Variants in ACP1 observed in about 807,000 individuals in gnomAD.
The protein encoded by ACP1 is low molecular weight phosphotyrosine protein phosphatase.
ACP1 carries 23 observed loss-of-function variants against 23.4 expected under a neutral mutation model. The observed-to-expected ratio is 0.98, with a 90% CI of 0.71 to 1.39. The LOEUF is 1.39. ACP1 is among the 40% of genes most tolerant of loss of function. The probability of loss-of-function intolerance (pLI) is 0.00; values close to 1 mark genes in which losing one functional copy is unlikely to be tolerated. For missense variants in ACP1, 180 were observed against 197.7 expected (o/e 0.91, Z 0.54); for synonymous variants, 72 against 67.2 (o/e 1.07, Z -0.35).
rs1405371312 is a variant in ACP1 at position 277,276 on chromosome 2, G to C, written c.449G>C (p.Cys150Ser). The change falls in exon 6 of 6, where the codon TGC (cysteine) becomes TCC (serine). Residue 150 changes from cysteine (C) to serine (S), a missense_variant. Cys to Ser is a moderately radical substitution (Grantham distance 112). Coordinates refer to ENST00000272065, the MANE Select transcript of ACP1 (RefSeq NM_004300.4). ...ETVYQQCVRC[C>S]RAFLEKAH ...GTGTACCAGCAGTGTGTCAGGTGCT[G>C]CAGAGCGTTCTTGGAGAAGGCCCAC... The C allele has an allele frequency of 5.6e-6, 9 of 1,613,190 alleles. No individual in the cohort carries two copies. Among genetic ancestry groups the C allele is most frequent in the Non-Finnish European group, 7.6e-6 (9 of 1,180,026 alleles).
intron 3 of ACP1, among the ~76,000 whole-genome samples, chr2:274,040 G>A (rs112094756): frequency 3.9e-5 from 6 of 152,282 alleles, no homozygotes; most frequent in African/African-American, 1.4e-4. Context: ...ACATATGCCT[G>A]TAGTCCCAGC....
intron 1 of ACP1, chr2:265,276 A>T (rs1669829643): frequency 1.6e-5 from 7 of 441,604 alleles, no homozygotes. Context: ...CCTACAAGCC[A>T]AGGTACTTTC....
chr2:266,680 A>C (rs1216410410), intron 1 of ACP1, among the ~76,000 whole-genome samples: 1 of 152,214 alleles, frequency 6.6e-6, no homozygotes, highest in Admixed American at 6.5e-5. Flanking sequence ...TGTGGTCGCA[A>C]CTTTTGCAGT....
chr2:275,621 G>C (rs1427465932), intron 4 of ACP1: 3 of 154,900 alleles, frequency 1.9e-5, no homozygotes, highest in African/African-American at 7.2e-5. Flanking sequence ...AAGGAAGTGA[G>C]AAACGGTAAT....
Position 275,210 on chromosome 2 carries a change from GT to G in ACP1, c.293+14del. ...GATGAAAGCAATCTGAGGTAATCCT[GT>G]TTTTGAAGAATATTTCTGTTCAACT... On this transcript the variant is annotated intron_variant, in intron 4 of 5. Coordinates refer to ENST00000272065, the MANE Select transcript of ACP1 (RefSeq NM_004300.4). The G allele has an allele frequency of 1.3e-6, 2 of 1,486,898 alleles. No individual in the cohort carries two copies. Among genetic ancestry groups the G allele is most frequent in the Non-Finnish European group, 1.9e-6 (2 of 1,081,008 alleles). 92.1% of individuals were successfully genotyped at this position (1,486,898 alleles called of 1,614,324 possible).
At chr2:266,677 G>A (rs959468729) in intron 1 of ACP1, among the ~76,000 whole-genome samples, 1 of 152,146 alleles carries the variant, frequency 6.6e-6, no homozygotes, top group Non-Finnish European at 1.5e-5. Context: ...AACTGTGGTC[G>A]CAACTTTTGC....
intron 1 of ACP1, among the ~76,000 whole-genome samples, chr2:268,053 C>A (rs1312538105): frequency 1.3e-5 from 2 of 152,198 alleles, no homozygotes; most frequent in Non-Finnish European, 2.9e-5. Context: ...TTTCAGACCC[C>A]TGTTTTAGGT....
chr2:270,155 G>T (rs1669990647), intron 1 of ACP1, among the ~76,000 whole-genome samples: 1 of 152,186 alleles, frequency 6.6e-6, no homozygotes, highest in African/African-American at 2.4e-5. Flanking sequence ...TGTAGGAAGG[G>T]TCTGTGTTTT....
intron 3 of ACP1, chr2:272,402 A>G: frequency 2.0e-6 from 3 of 1,498,528 alleles, no homozygotes; most frequent in Non-Finnish European, 1.8e-6. Flanking sequence ...GAATGTGTTT[A>G]TTTAGGGTGA....
At chr2:273,051 G>A (rs1427302676) in intron 3 of ACP1, 1 of 154,482 alleles carries the variant, frequency 6.5e-6, no homozygotes, top group Non-Finnish European at 1.5e-5. Context: ...CCAAAGCCAA[G>A]GGGCTCATGG....
intron 4 of ACP1, among the ~76,000 whole-genome samples, chr2:276,572 G>T (rs1221160781): frequency 2.0e-5 from 3 of 152,224 alleles, no homozygotes; most frequent in Non-Finnish European, 2.9e-5. Flanking sequence ...TAATTAAGGA[G>T]TGGGTCGTGC....
intron 1 of ACP1, 102 bp downstream of exon 1, chr2:265,109 A>T (rs1222440314): frequency 1.4e-6 from 2 of 1,450,926 alleles, no homozygotes; most frequent in South Asian, 1.2e-5. Context: ...CATGAGGGGG[A>T]GGAGGCCAGG....
chr2:270,538 G>A (rs771505306), intron 1 of ACP1, among the ~76,000 whole-genome samples: 7 of 151,866 alleles, frequency 4.6e-5, no homozygotes, highest in African/African-American at 7.3e-5. Flanking sequence ...TTGTAGCATC[G>A]TTCTTTTTCT....
intron 4 of ACP1, among the ~76,000 whole-genome samples, chr2:275,881 G>A (rs999502799): frequency 6.6e-6 from 1 of 152,132 alleles, no homozygotes; most frequent in African/African-American, 2.4e-5. Context: ...AACTATTTGT[G>A]CTTTTAATTA....
intron 4 of ACP1, 149 bp downstream of exon 4, chr2:275,350 A>G: frequency 2.4e-6 from 1 of 422,964 alleles, no homozygotes; most frequent in Non-Finnish European, 4.3e-6. Flanking sequence ...TTAGAACAGC[A>G]AAAAACTTAG....
intron 2 of ACP1, 36 bp downstream of exon 2, chr2:271,975 G>A (rs751555461): frequency 6.3e-6 from 10 of 1,594,764 alleles, no homozygotes; most frequent in Non-Finnish European, 8.6e-6. Flanking sequence ...AGGCCAACCT[G>A]AACTCCTCTG....
intron 3 of ACP1, chr2:272,385 T>TATTA: frequency 6.6e-7 from 1 of 1,520,612 alleles, no homozygotes; most frequent in East Asian, 2.5e-5. Flanking sequence ...CAGACTTGTA[T>TATTA]ATTAATGAAT....
rs1175814706 is a variant in ACP1 at position 277,253 on chromosome 2, G to A, written c.426G>A (p.Val142=). ...GGAATGACTCTGACTTTGAGACGGT[G>A]TACCAGCAGTGTGTCAGGTGCTGCA... ...YYGNDSDFET[V]YQQCVRCCRA... The change falls in exon 6 of 6, where the codon GTG becomes GTA. Residue 142 remains valine, a synonymous_variant. Transcript: ENST00000272065. 1 of 1,613,734 alleles carries A rather than the reference G, an allele frequency of 6.2e-7. No homozygotes were observed. The highest frequency in any genetic ancestry group is 1.1e-5 in the South Asian group (1 of 91,072).
intron 4 of ACP1, among the ~76,000 whole-genome samples, chr2:275,953 C>T (rs2103076254): frequency 6.6e-6 from 1 of 152,290 alleles, no homozygotes; most frequent in East Asian, 1.9e-4. Context: ...TAATTAGGAC[C>T]TTCATTAAAA....
Sources: gnomAD v4.1 joint callset for allele counts (sites outside exome capture counted in the v4.1 genomes callset) on GRCh38, gnomAD v4.1.1 for gene constraint, MANE v1.5 for transcripts, NCBI Gene and HGNC (gene_info 2026-07-23, HGNC 2026-07-21) for gene names.